PCDHGB3: variants seen among roughly 807,000 people sequenced by gnomAD.
The protein encoded by PCDHGB3 is protocadherin gamma-B3.
In PCDHGB3, 40 loss-of-function variants were observed where a neutral mutation model predicts 59.2. The observed-to-expected ratio is 0.68, with a 90% confidence interval of 0.52 to 0.88. The LOEUF (loss-of-function observed/expected upper bound fraction) is 0.88, where lower values mean the gene tolerates loss of function less well. Ranked by LOEUF, PCDHGB3 falls within the 40% of genes least tolerant of loss-of-function variation. The pLI is 0.00. For synonymous variants in PCDHGB3, 581 were observed against 503.6 expected (o/e 1.15, Z -2.06); for missense variants, 1,309 against 1,187.9 (o/e 1.10, Z -1.50).
At position 141,485,671 on chromosome 5, in the gene PCDHGB3, G is replaced by T; in HGVS notation, c.2416-9136G>T. On this transcript the variant is annotated intron_variant, in intron 1 of 3. Coordinates refer to ENST00000576222, the MANE Select transcript of PCDHGB3 (RefSeq NM_018924.5). This position sits in a 1 kb window ranked among gnomAD's most constrained non-coding sequence, Gnocchi z 5.7. The stretch of plus-strand genomic sequence containing the variant: ...AGGATGCAGATGTGGGGAGCAATTC[G>T]ATTAGCAGCTATAGGCTGAGCTCCA... 6.2e-7 allele frequency: 1 copy of T among 1,612,860 alleles called. No homozygotes were observed. The highest frequency in any genetic ancestry group is 8.5e-7 in the Non-Finnish European group (1 of 1,179,040).
intron 1 of PCDHGB3, among the ~76,000 whole-genome samples, chr5:141,433,989 T>C (rs898601470): frequency 6.6e-6 from 1 of 152,248 alleles, no homozygotes; most frequent in Non-Finnish European, 1.5e-5. Context: ...AGAAGAGTTT[T>C]ATATTCTCTA....
intron 1 of PCDHGB3, chr5:141,394,548 C>T (rs1176145709): frequency 6.2e-7 from 1 of 1,614,160 alleles, no homozygotes; most frequent in Admixed American, 1.7e-5. Context: ...GGAGCTGGCG[C>T]CCCGCTCCGC....
At chr5:141,423,712 T>C (rs1231796741) in intron 1 of PCDHGB3, 2 of 1,313,518 alleles carry the variant, frequency 1.5e-6, no homozygotes, top group Admixed American at 3.2e-5. Flanking sequence ...CACAAGTCTT[T>C]TAAGGAGATG....
intron 1 of PCDHGB3, chr5:141,378,802 CA>C (rs1201523670): frequency 1.3e-5 from 2 of 152,134 alleles, no homozygotes; most frequent in African/African-American, 2.4e-5. Context: ...CTGAAATGTG[CA>C]AACAGAATCA....
In PCDHGB3 at chr5:141,489,661, C is replaced by T. The variant is rs756803543; in HGVS notation, c.2416-5146C>T. 36 of 1,614,146 alleles carry T rather than the reference C, an allele frequency of 2.2e-5. 1 individual carries two copies. Among genetic ancestry groups the T allele is most frequent in the South Asian group, 5.5e-5 (5 of 91,090 alleles). ...CTTTGCCACCCCTGAGCGAGAGATG[C>T]GCATCTCAGAATCAGCAGCATCTGG... On this transcript the variant is annotated intron_variant, in intron 1 of 3. Coordinates refer to ENST00000576222, the MANE Select transcript of PCDHGB3 (RefSeq NM_018924.5). The surrounding 1 kb of genome is among the most constrained non-coding windows in gnomAD (Gnocchi z 4.5).
chr5:141,505,317 G>A, intron 2 of PCDHGB3, 76 bp from the exon 3 acceptor site: 1 of 1,603,092 alleles, frequency 6.2e-7, no homozygotes, highest in Non-Finnish European at 8.5e-7. Flanking sequence ...AGGTTTGGGA[G>A]CCCTGGGAGA....
At chr5:141,385,499 A>G in intron 1 of PCDHGB3, 1 of 1,381,812 alleles carries the variant, frequency 7.2e-7, no homozygotes, top group Non-Finnish European at 9.4e-7. Context: ...AGGATATAGT[A>G]TTTCTTTAGT....
intron 1 of PCDHGB3, among the ~76,000 whole-genome samples, chr5:141,466,627 C>G (rs1448245449): frequency 6.6e-6 from 1 of 152,154 alleles, no homozygotes; most frequent in African/African-American, 2.4e-5. Flanking sequence ...TTCTTTGGAG[C>G]ATTGTCTCCA....
At chr5:141,448,573 A>AT (rs976781630) in intron 1 of PCDHGB3, among the ~76,000 whole-genome samples, 10 of 151,772 alleles carry the variant, frequency 6.6e-5, no homozygotes, top group East Asian at 5.8e-4. Flanking sequence ...TTATTTCCCC[A>AT]TTTTTTTTAC....
intron 1 of PCDHGB3, among the ~76,000 whole-genome samples, chr5:141,397,021 AC>A (rs1313075505): frequency 6.6e-6 from 1 of 152,234 alleles, no homozygotes; most frequent in Non-Finnish European, 1.5e-5. Context: ...AAGAAGGTTG[AC>A]CAATGTCCAC....
rs200491568 is a variant in PCDHGB3, at chr5:141,493,146, G to A, written c.2416-1661G>A. 9.6e-6 allele frequency among the ~76,000 whole-genome samples: 1 copy of A among 104,172 alleles called. No homozygotes were observed. The highest frequency in any genetic ancestry group is 3.1e-5 in the African/African-American group (1 of 32,680). 68.3% of individuals were successfully genotyped at this position (104,172 alleles called of 152,430 possible). A position where few individuals can be genotyped will look rare whatever the true frequency, so the allele number is the denominator to read the frequency against. On this transcript the variant is annotated intron_variant, in intron 1 of 3. Transcript: ENST00000576222. The surrounding 1 kb of genome is among the most constrained non-coding windows in gnomAD (Gnocchi z 4.3). ...AGGACTGTATTTTGAAACACCCCCA[G>A]GTGATTTTGATAGCTGATTGAGAGA... is the stretch of plus-strand genomic sequence containing the variant.
intron 1 of PCDHGB3, chr5:141,419,863 G>T (rs1416582920): frequency 6.2e-7 from 1 of 1,614,108 alleles, no homozygotes; most frequent in Non-Finnish European, 8.5e-7. Flanking sequence ...CAGATAGCTT[G>T]CAAGAGGTAC....
intron 1 of PCDHGB3, among the ~76,000 whole-genome samples, chr5:141,467,707 G>A (rs1203906639): frequency 6.6e-6 from 1 of 152,140 alleles, no homozygotes; most frequent in Non-Finnish European, 1.5e-5. Flanking sequence ...TGTTGCCCAG[G>A]CTGGAGTGTA....
At position 141,372,619 on chromosome 5, in the gene PCDHGB3, C is replaced by T; in HGVS notation, c.2225C>T (p.Thr742Ile). Residue 742 changes from threonine (T) to isoleucine (I), a missense_variant, in exon 1 of 4, where the codon ACC becomes ATC. By Grantham distance (89) the Thr-to-Ile change is moderately conservative (BLOSUM62 -1). Coordinates refer to ENST00000576222, the MANE Select transcript of PCDHGB3 (RefSeq NM_018924.5). ...AAGACTGTACCTGGAGTTCTCCCCA[C>T]CTACAGCGAAAGGACTTTGCCTTAT... ...CFKTVPGVLPTYSERTLPYSY... is the reference protein window; with the variant it reads ...CFKTVPGVLPIYSERTLPYSY... 1 of 1,613,968 alleles carries T rather than the reference C, an allele frequency of 6.2e-7. No homozygotes were observed. Among genetic ancestry groups the T allele is most frequent in the African/African-American group, 1.3e-5 (1 of 75,056 alleles).
chr5:141,484,922 GC>G (rs869160673), intron 1 of PCDHGB3: 1 of 481,378 alleles, frequency 2.1e-6, no homozygotes, highest in South Asian at 2.8e-5. Context: ...TAACCCTGCT[GC>G]TGTTGGGACG....
intron 1 of PCDHGB3, chr5:141,399,475 C>G: frequency 1.2e-6 from 2 of 1,614,022 alleles, no homozygotes; most frequent in Non-Finnish European, 1.7e-6. Context: ...GGTTTTCCAC[C>G]AGGCGTCCTA....
chr5:141,424,087 A>C, intron 1 of PCDHGB3: 1 of 933,106 alleles, frequency 1.1e-6, no homozygotes, highest in Non-Finnish European at 1.3e-6. Flanking sequence ...TTCCACCATT[A>C]TTTGCTATTA....
intron 1 of PCDHGB3, among the ~76,000 whole-genome samples, chr5:141,446,698 G>C (rs750413432): frequency 1.3e-5 from 2 of 152,070 alleles, no homozygotes; most frequent in African/African-American, 4.8e-5. Flanking sequence ...GGCTGGTCTC[G>C]AACTCTGATC....
chr5:141,421,561 G>T (rs2096583505), intron 1 of PCDHGB3: 1 of 1,613,992 alleles, frequency 6.2e-7, no homozygotes, highest in Non-Finnish European at 8.5e-7. Context: ...ACTTCTCGTG[G>T]AAGACACCTT....
Sources: gnomAD v4.1 joint callset for allele counts (sites outside exome capture counted in the v4.1 genomes callset) on GRCh38, gnomAD v4.1.1 for gene constraint, Gnocchi (gnomAD v3.1) non-coding constraint, MANE v1.5 for transcripts, NCBI Gene and HGNC (gene_info 2026-07-23, HGNC 2026-07-21) for gene names.